CDKAL1: variants seen among roughly 807,000 people sequenced by gnomAD.
The protein encoded by CDKAL1 is CDKAL1 threonylcarbamoyladenosine tRNA methylthiotransferase, also known as threonylcarbamoyladenosine tRNA methylthiotransferase.
In CDKAL1, 32 loss-of-function variants were observed where a neutral mutation model predicts 68.2. That is an observed-to-expected ratio of 0.47 (90% confidence interval 0.35 to 0.63). The LOEUF (loss-of-function observed/expected upper bound fraction) is 0.63, where lower values mean the gene tolerates loss of function less well. Ranked by LOEUF, CDKAL1 falls within the 30% of genes least tolerant of loss-of-function variation. The pLI is 0.00. For synonymous variants in CDKAL1, 234 were observed against 244.3 expected (o/e 0.96, Z 0.39); for missense variants, 606 against 696.7 (o/e 0.87, Z 1.47).
At chr6:21,051,945 G>A (rs974276852) in intron 11 of CDKAL1, among the ~76,000 whole-genome samples, 2 of 152,160 alleles carry the variant, frequency 1.3e-5, no homozygotes, top group Non-Finnish European at 2.9e-5. Flanking sequence ...TCTTAGTTAT[G>A]CAAGGAAGTT....
At chr6:20,697,737 G>A (rs1771165926) in intron 5 of CDKAL1, among the ~76,000 whole-genome samples, 3 of 152,186 alleles carry the variant, frequency 2.0e-5, no homozygotes, top group Non-Finnish European at 4.4e-5. Context: ...GGTAACTTTT[G>A]TCATTCATAA....
chr6:21,009,461 T>C (rs1767899443), intron 11 of CDKAL1, among the ~76,000 whole-genome samples: 1 of 152,232 alleles, frequency 6.6e-6, no homozygotes, highest in South Asian at 2.1e-4. Context: ...GCTGTGTTTG[T>C]TAAAGCAGAA....
rs1459059848 is a variant in CDKAL1, at chr6:21,160,909, C to T, written c.1300-37112C>T. ...GGCTCTGGTGTGTGATGTTCCCCTC[C>T]CTGTGGACACATACATATTTTCATT... On this transcript the variant is annotated intron_variant, in intron 13 of 15. Coordinates refer to ENST00000274695, the MANE Select transcript of CDKAL1 (RefSeq NM_017774.3). 2.0e-5 allele frequency among the ~76,000 whole-genome samples: 3 copies of T among 151,726 alleles called. No individual in the cohort carries two copies. In the East Asian group the frequency reaches 5.9e-4, roughly 30 times the overall value.
At chr6:20,871,512 T>A (rs996497719) in intron 9 of CDKAL1, among the ~76,000 whole-genome samples, 1 of 152,208 alleles carries the variant, frequency 6.6e-6, no homozygotes, top group Non-Finnish European at 1.5e-5. Flanking sequence ...AAGTTCGGTC[T>A]CTTCCCACTC....
At chr6:20,752,981 GT>G (rs942498672) in intron 6 of CDKAL1, among the ~76,000 whole-genome samples, 5 of 151,508 alleles carry the variant, frequency 3.3e-5, no homozygotes, top group African/African-American at 4.9e-5. Flanking sequence ...CACTCCCAAC[GT>G]TTTTTTTCTT....
intron 8 of CDKAL1, among the ~76,000 whole-genome samples, chr6:20,813,083 C>A (rs1288347705): frequency 6.6e-6 from 1 of 151,994 alleles, no homozygotes; most frequent in African/African-American, 2.4e-5. Context: ...TGTTGAACAT[C>A]CTTTCTGTCT....
At chr6:20,877,048 C>CCAAT (rs2150554015) in intron 9 of CDKAL1, among the ~76,000 whole-genome samples, 2 of 152,258 alleles carry the variant, frequency 1.3e-5, no homozygotes, top group African/African-American at 4.8e-5. Context: ...GATGATGGTT[C>CCAAT]CAATTCTGGC....
chr6:20,612,434 A>G (rs1385691157), intron 4 of CDKAL1, among the ~76,000 whole-genome samples: 1 of 151,444 alleles, frequency 6.6e-6, no homozygotes, highest in Non-Finnish European at 1.5e-5. Flanking sequence ...TGTCTTTTTA[A>G]TAGTAGCCAT....
intron 9 of CDKAL1, among the ~76,000 whole-genome samples, chr6:20,912,569 G>A (rs1762514406): frequency 6.6e-6 from 1 of 152,168 alleles, no homozygotes; most frequent in Non-Finnish European, 1.5e-5. Context: ...AAGCCAGATA[G>A]CCCAGTAAGT....
chr6:20,867,151 T>G (rs1364611277), intron 9 of CDKAL1, among the ~76,000 whole-genome samples: 2 of 152,204 alleles, frequency 1.3e-5, no homozygotes, highest in Non-Finnish European at 1.5e-5. Context: ...AGTCATTTAT[T>G]TGATGAGGGA....
At chr6:20,556,303 T>TGCAGTGAGCTGAGATTGTG (rs1764040097) in intron 4 of CDKAL1, among the ~76,000 whole-genome samples, 1 of 152,006 alleles carries the variant, frequency 6.6e-6, no homozygotes, top group South Asian at 2.1e-4. Context: ...GGGCAGAGGC[T>TGCAGTGAGCTGAGATTGTG]GCAGTGAGCT....
At chr6:20,959,370 T>G (rs1764940343) in intron 10 of CDKAL1, among the ~76,000 whole-genome samples, 1 of 152,188 alleles carries the variant, frequency 6.6e-6, no homozygotes, top group Non-Finnish European at 1.5e-5. Flanking sequence ...GTAGTAAACT[T>G]GCATATGATA....
At chr6:21,002,653 AT>A (rs34620040) in intron 11 of CDKAL1, among the ~76,000 whole-genome samples, 83,650 of 146,612 alleles carry the variant, frequency 0.57, 24,165 homozygotes, top group East Asian at 0.82. Context: ...CAGGTAACCT[AT>A]TTTAAAAAAA....
intron 13 of CDKAL1, among the ~76,000 whole-genome samples, chr6:21,160,699 A>C (rs1218304107): frequency 6.9e-6 from 1 of 145,082 alleles, no homozygotes; most frequent in African/African-American, 2.5e-5. Context: ...AAATATATAT[A>C]TATGTATATA....
At chr6:21,230,409 G>A (rs1049176738) in intron 15 of CDKAL1, among the ~76,000 whole-genome samples, 8 of 152,184 alleles carry the variant, frequency 5.3e-5, no homozygotes, top group Non-Finnish European at 1.0e-4. Context: ...TGATCAGCCC[G>A]CCTTGGCCTC....
intron 9 of CDKAL1, among the ~76,000 whole-genome samples, chr6:20,886,663 A>G (rs974156208): frequency 6.6e-6 from 1 of 152,244 alleles, no homozygotes; most frequent in African/African-American, 2.4e-5. Flanking sequence ...GTATGATCCC[A>G]TTTATGTGAA....
chr6:21,116,248 G>T (rs73383740), intron 13 of CDKAL1, among the ~76,000 whole-genome samples: 1 of 151,922 alleles, frequency 6.6e-6, no homozygotes, highest in Non-Finnish European at 1.5e-5. Context: ...GCAGAAATTC[G>T]GTGCGCTTAA....
chr6:20,918,126 G>T lies in CDKAL1; in HGVS notation c.743-37293G>T, dbSNP rs186502233. Among the ~76,000 whole-genome samples, 601 of 152,294 alleles carry T rather than the reference G, an allele frequency of 3.9e-3. 4 individuals are homozygous for T. The highest frequency in any genetic ancestry group is 0.014 in the African/African-American group (578 of 41,572). ...ACTCTGTTTCGGGGGGAAAAGAGGC[G>T]TAAGAGAGCTACCTAGCCCTTATTG... On this transcript the variant is annotated intron_variant, in intron 9 of 15. Coordinates refer to ENST00000274695, the MANE Select transcript of CDKAL1 (RefSeq NM_017774.3).
intron 11 of CDKAL1, among the ~76,000 whole-genome samples, chr6:21,028,241 G>A (rs1247410855): frequency 2.0e-5 from 3 of 152,058 alleles, no homozygotes; most frequent in African/African-American, 7.2e-5. Context: ...AATAGTAATA[G>A]TTAACATTTA....
Sources: allele counts gnomAD v4.1 joint callset (sites outside exome capture counted in the v4.1 genomes callset), GRCh38; gene constraint gnomAD v4.1.1; transcripts MANE v1.5; gene names NCBI Gene and HGNC (gene_info 2026-07-23, HGNC 2026-07-21).